The following CAPZA1 variants were observed in gnomAD, a reference collection of about 807,000 sequenced individuals.
The protein encoded by CAPZA1 is F-actin-capping protein subunit alpha-1.
Under a neutral mutation model 40.8 loss-of-function variants are expected in CAPZA1, and 10 were observed. The observed-to-expected ratio is 0.25, with a 90% CI of 0.15 to 0.42. The LOEUF (loss-of-function observed/expected upper bound fraction) is 0.42. CAPZA1 is among the 10% of genes least tolerant of loss of function. CAPZA1 has a pLI of 1.00. For synonymous variants in CAPZA1, 98 were observed against 115.0 expected, an observed-to-expected ratio of 0.85 and a Z score of 0.95; for missense variants, 277 against 353.8, an observed-to-expected ratio of 0.78 and a Z score of 1.74.
intron 1 of CAPZA1, among the ~76,000 whole-genome samples, chr1:112,626,654 T>TA (rs1375170313): frequency 6.6e-6 from 1 of 152,206 alleles, no homozygotes; most frequent in Non-Finnish European, 1.5e-5. Context: ...GACCTTTTTT[T>TA]ATGCTTGAAT....
chr1:112,645,761 A>G (rs1480689627), intron 1 of CAPZA1, among the ~76,000 whole-genome samples: 1 of 151,292 alleles, frequency 6.6e-6, no homozygotes, highest in African/African-American at 2.4e-5. Flanking sequence ...AAAAGACAAA[A>G]GGAATTACCA....
chr1:112,657,217 G>C (rs1454483941), intron 5 of CAPZA1, among the ~76,000 whole-genome samples: 2 of 152,054 alleles, frequency 1.3e-5, no homozygotes, highest in Non-Finnish European at 2.9e-5. Flanking sequence ...CTCTGTGTGT[G>C]TTGTGTGTGT....
At chr1:112,645,991 T>G (rs926904583) in intron 1 of CAPZA1, among the ~76,000 whole-genome samples, 2 of 149,320 alleles carry the variant, frequency 1.3e-5, no homozygotes, top group Admixed American at 6.7e-5. Context: ...AGCAGGAAAA[T>G]GGGCACAGAC....
At chr1:112,634,140 A>G (rs753074649) in intron 1 of CAPZA1, among the ~76,000 whole-genome samples, 4 of 152,198 alleles carry the variant, frequency 2.6e-5, no homozygotes, top group Non-Finnish European at 4.4e-5. Flanking sequence ...AGGAAATAGC[A>G]TTGAATTCTG....
Position 112,656,440 on chromosome 1 carries a change from ATTTTTTTT to A in CAPZA1, c.426+1788_426+1795del, listed in dbSNP as rs56343358. On this transcript the variant is annotated intron_variant, in intron 5 of 9. Coordinates refer to ENST00000263168, the MANE Select transcript of CAPZA1 (RefSeq NM_006135.3). Reference sequence around the variant, plus strand: ...GTTAGGCTAGGTGTCATTATGTTTGATTTTTTTTTTTTTTTTTTTTTTTTTTAATGAGA... The same window carrying A: ...GTTAGGCTAGGTGTCATTATGTTTGATTTTTTTTTTTTTTTTTTAATGAGA... Among the ~76,000 whole-genome samples the A allele has an allele frequency of 1.7e-4, 8 of 45,768 alleles. No individual in the cohort carries two copies. The Admixed American group carries it at 2.7e-3, about 15-fold the overall frequency. The allele number at this position is 45,768 out of a possible 152,430, so 30.0% of individuals were successfully genotyped here.
Position 112,662,373 on chromosome 1 carries a change from A to T in CAPZA1, c.585+2594A>T, listed in dbSNP as rs116705834. Among the ~76,000 whole-genome samples the T allele has an allele frequency of 8.1e-3, 1,200 of 148,896 alleles. 17 individuals are homozygous for T. The highest frequency in any genetic ancestry group is 0.028 in the African/African-American group (1,137 of 40,698). ...TAACATTAGTGTATTAGGTAATGAA[A>T]TTAATATTTTTTAGAATTTTTCTTT... is the stretch of plus-strand genomic sequence containing the variant. On this transcript the variant is annotated intron_variant, in intron 7 of 9. Transcript: ENST00000263168.
chr1:112,659,764 C>A lies in CAPZA1; in HGVS notation c.570C>A (p.Gly190=), dbSNP rs12074157. 1 of 1,612,424 alleles carries A rather than the reference C, an allele frequency of 6.2e-7. No homozygotes were observed. The highest frequency in any genetic ancestry group is 1.7e-5 in the Admixed American group (1 of 59,922). The change falls in exon 7 of 10, where the codon GGC becomes GGA. Residue 190 remains glycine, a synonymous_variant. Transcript: ENST00000263168. ...CACCACCTACAGCCCAGGTGGTTGG[C>A]GTGCTTAAGATTCAGGTGAGATTCC... is the stretch of plus-strand genomic sequence containing the variant. ...TITPPTAQVV[G]VLKIQVHYYE...
chr1:112,667,114 A>T lies in CAPZA1; in HGVS notation c.626A>T (p.His209Leu). Residue 209 changes from histidine to leucine, a missense_variant, in exon 8 of 10, where the codon CAT (histidine) becomes CTT (leucine). Transcript: ENST00000263168. ...YEDGNVQLVSHKDVQDSLTVS... is the reference protein window; with the variant it reads ...YEDGNVQLVSLKDVQDSLTVS... ...GATGGCAATGTTCAGTTGGTTAGTC[A>T]TAAAGATGTACAGGATTCACTAACT... The T allele has an allele frequency of 1.9e-6, 3 of 1,612,222 alleles. No homozygotes were observed. The highest frequency in any genetic ancestry group is 2.5e-6 in the Non-Finnish European group (3 of 1,178,880).
rs1671830339 is a variant in CAPZA1, at chr1:112,671,367, A to AC, written c.*1237dup. On this transcript the variant is annotated 3_prime_UTR_variant, in exon 10 of 10. Coordinates refer to ENST00000263168, the MANE Select transcript of CAPZA1 (RefSeq NM_006135.3). ...TAAGGGAAGGTCAGTTTTTTAAAAA[A>AC]CCAAGTAGTGTCTTCCTACCTATCT... The AC allele has an allele frequency of 1.3e-5, 2 of 152,718 alleles. No homozygotes were observed. Among genetic ancestry groups the AC allele is most frequent in the Non-Finnish European group, 2.9e-5 (2 of 68,026 alleles). 9.5% of individuals were successfully genotyped at this position (152,718 alleles called of 1,614,324 possible).
chr1:112,666,773 C>A, intron 7 of CAPZA1: 1 of 247,398 alleles, frequency 4.0e-6, no homozygotes, highest in Non-Finnish European at 7.7e-6. Flanking sequence ...AGAGTGGGAT[C>A]TCATTTACCT....
chr1:112,645,977 A>T (rs1671273938), intron 1 of CAPZA1, among the ~76,000 whole-genome samples: 1 of 146,206 alleles, frequency 6.8e-6, no homozygotes, highest in East Asian at 2.0e-4. Flanking sequence ...AAAAAAAAAA[A>T]TGGAGCAGGA....
At chr1:112,662,633 T>C (rs1254949476) in intron 7 of CAPZA1, among the ~76,000 whole-genome samples, 1 of 151,758 alleles carries the variant, frequency 6.6e-6, no homozygotes, top group East Asian at 1.9e-4. Flanking sequence ...CTCCTGACCT[T>C]GTGATCCGCC....
In CAPZA1 at chr1:112,649,693, C is replaced by T. The variant is rs575776990; in HGVS notation, c.155+224C>T. The T allele has an allele frequency of 4.1e-5, 22 of 535,550 alleles. No homozygotes were observed. The East Asian group carries it at 5.2e-4, about 13-fold the overall frequency. 33.2% of individuals were successfully genotyped at this position (535,550 alleles called of 1,614,324 possible). On this transcript the variant is annotated intron_variant, in intron 3 of 9. Transcript: ENST00000263168. ...ATATGAACTAGTTTTTATTTCTGCC[C>T]ACATTTGCCCGATTAAAGCAGAGTT...
intron 1 of CAPZA1, among the ~76,000 whole-genome samples, chr1:112,633,560 G>GGGGA (rs1670962089): frequency 1.3e-5 from 2 of 152,258 alleles, no homozygotes; most frequent in East Asian, 3.9e-4. Flanking sequence ...GAACATGGGG[G>GGGGA]TGCAGATATC....
intron 5 of CAPZA1, among the ~76,000 whole-genome samples, chr1:112,658,350 T>C (rs1001372251): frequency 6.6e-6 from 1 of 152,178 alleles, no homozygotes; most frequent in Non-Finnish European, 1.5e-5. Context: ...CCTTTGCCCA[T>C]CATTTGCAAT....
chr1:112,629,968 C>T (rs1272202333), intron 1 of CAPZA1, among the ~76,000 whole-genome samples: 1 of 152,228 alleles, frequency 6.6e-6, no homozygotes, highest in African/African-American at 2.4e-5. Context: ...ACTCCTTACT[C>T]TTAAGTTCTG....
chr1:112,621,486 A>C (rs1366290968), intron 1 of CAPZA1, among the ~76,000 whole-genome samples: 1 of 152,170 alleles, frequency 6.6e-6, no homozygotes, highest in Non-Finnish European at 1.5e-5. Context: ...TCTTGGGCTC[A>C]AACGATCCAT....
intron 6 of CAPZA1, 94 bp downstream of exon 6, chr1:112,659,195 C>T (rs1331824657): frequency 1.5e-5 from 12 of 796,466 alleles, no homozygotes; most frequent in Non-Finnish European, 2.0e-5. Context: ...AATTATTTAA[C>T]TTACAGACTT....
At chr1:112,628,346 T>G (rs1252823548) in intron 1 of CAPZA1, among the ~76,000 whole-genome samples, 3 of 152,202 alleles carry the variant, frequency 2.0e-5, no homozygotes, top group Admixed American at 6.5e-5. Context: ...CTCAGAAGCT[T>G]GATTGATCAG....
Sources: gnomAD v4.1 joint callset for allele counts (sites outside exome capture counted in the v4.1 genomes callset) on GRCh38, gnomAD v4.1.1 for gene constraint, MANE v1.5 for transcripts, NCBI Gene and HGNC (gene_info 2026-07-23, HGNC 2026-07-21) for gene names.